LRRC7: variants seen among roughly 807,000 people sequenced by gnomAD.
LRRC7 encodes the protein leucine rich repeat containing 7.
LRRC7 carries 23 observed loss-of-function variants against 175.7 expected under a neutral mutation model. That is an observed-to-expected ratio of 0.13 (90% CI 0.09 to 0.19). LRRC7 has a LOEUF of 0.19. Ranked by LOEUF, LRRC7 falls within the 10% of genes least tolerant of loss-of-function variation. The pLI is 1.00. For synonymous variants in LRRC7, 685 were observed against 680.9 expected (o/e 1.01, Z -0.09); for missense variants, 1,354 against 1,904.7 (o/e 0.71, Z 5.38).
intron 11 of LRRC7, among the ~76,000 whole-genome samples, chr1:69,995,619 G>A (rs1426702102): frequency 3.5e-5 from 5 of 142,440 alleles, no homozygotes; most frequent in African/African-American, 1.3e-4. Flanking sequence ...TGTTCTCATT[G>A]TTCAAGTCCC....
chr1:69,796,130 C>T (rs1233189104), intron 4 of LRRC7, among the ~76,000 whole-genome samples: 9 of 120,296 alleles, frequency 7.5e-5, no homozygotes, highest in Non-Finnish European at 1.0e-4. Context: ...CCCCCCACCC[C>T]TCAACAGTCC....
intron 11 of LRRC7, among the ~76,000 whole-genome samples, chr1:69,997,338 A>G (rs12031259): frequency 0.16 from 24,125 of 150,210 alleles, 2,840 homozygotes; most frequent in African/African-American, 0.37. Context: ...CAATCATGTC[A>G]TCTGCAAACA....
chr1:69,958,789 A>G (rs977807112), intron 8 of LRRC7, among the ~76,000 whole-genome samples: 13 of 152,054 alleles, frequency 8.5e-5, no homozygotes, highest in African/African-American at 3.1e-4. Flanking sequence ...ACTAAGCCAG[A>G]TCCTAAATAT....
At chr1:69,729,370 T>C (rs1401768118) in intron 2 of LRRC7, among the ~76,000 whole-genome samples, 1 of 152,152 alleles carries the variant, frequency 6.6e-6, no homozygotes, top group East Asian at 1.9e-4. Flanking sequence ...AAGTCCCTTA[T>C]ATCTGTGAGC....
In LRRC7 at chr1:70,133,252, G is replaced by A. The variant is rs1239233096; in HGVS notation, c.*11365G>A. The stretch of plus-strand genomic sequence containing the variant: ...TGTTTGTTTGTATTGAGACAGTGTC[G>A]CTCTGTCGCCCAGGCTGGAGTGCAG... On this transcript the variant is annotated 3_prime_UTR_variant, in exon 27 of 27. Transcript: ENST00000651989. Among the ~76,000 whole-genome samples the A allele has an allele frequency of 6.6e-6, 1 of 151,962 alleles. No individual in the cohort carries two copies. Among genetic ancestry groups the A allele is most frequent in the Non-Finnish European group, 1.5e-5 (1 of 68,002 alleles).
At chr1:69,591,688 A>G (rs966371270) in intron 1 of LRRC7, among the ~76,000 whole-genome samples, 1 of 152,076 alleles carries the variant, frequency 6.6e-6, no homozygotes, top group Non-Finnish European at 1.5e-5. Flanking sequence ...GAAATCTAAT[A>G]TGTGATTCAG....
At chr1:69,939,174 C>T (rs1470875532) in intron 8 of LRRC7, among the ~76,000 whole-genome samples, 3 of 151,560 alleles carry the variant, frequency 2.0e-5, no homozygotes, top group East Asian at 3.9e-4. Flanking sequence ...CAGGTGAAAA[C>T]TATACTGATT....
In LRRC7 at chr1:69,772,469, G is replaced by C. The variant is rs139811811; in HGVS notation, c.303+12076G>C. On this transcript the variant is annotated intron_variant, in intron 3 of 26. Transcript: ENST00000651989. ...AATCACACAAGTTCAAATAAGCTAA[G>C]AATGGTCTTAAGATTTTATTCTAAG... Among the ~76,000 whole-genome samples the C allele has an allele frequency of 3.6e-3, 544 of 152,250 alleles. 3 individuals carry two copies. The highest frequency in any genetic ancestry group is 0.012 in the African/African-American group (503 of 41,554).
chr1:69,645,901 T>C (rs1413937051), intron 1 of LRRC7, among the ~76,000 whole-genome samples: 3 of 152,078 alleles, frequency 2.0e-5, no homozygotes, highest in Non-Finnish European at 2.9e-5. Flanking sequence ...TACAATAAAA[T>C]AGAACTGGAA....
At chr1:70,059,914 C>A (rs1030386166) in intron 23 of LRRC7, among the ~76,000 whole-genome samples, 1 of 151,900 alleles carries the variant, frequency 6.6e-6, no homozygotes, top group South Asian at 2.1e-4. Context: ...ATAAGTACAA[C>A]TTATTTAAAA....
chr1:69,939,063 G>T (rs1303811826), intron 8 of LRRC7, among the ~76,000 whole-genome samples: 2 of 134,160 alleles, frequency 1.5e-5, no homozygotes, highest in African/African-American at 2.8e-5. Flanking sequence ...CACAGACATT[G>T]CCAGAAGTTA....
intron 22 of LRRC7, among the ~76,000 whole-genome samples, chr1:70,050,104 T>C (rs75970769): frequency 8.6e-6 from 1 of 116,476 alleles, no homozygotes; most frequent in East Asian, 2.8e-4. Context: ...TGCACACACA[T>C]GTTTATACAC....
At chr1:69,973,846 A>G (rs1652529511) in intron 8 of LRRC7, among the ~76,000 whole-genome samples, 4 of 152,252 alleles carry the variant, frequency 2.6e-5, no homozygotes, top group Admixed American at 2.6e-4. Flanking sequence ...TCAGCCTCCC[A>G]AAGTGTTTGG....
chr1:69,796,794 C>CA (rs1170341536), intron 4 of LRRC7, among the ~76,000 whole-genome samples: 94 of 141,648 alleles, frequency 6.6e-4, no homozygotes, highest in African/African-American at 1.7e-3. Flanking sequence ...AACTCCATCT[C>CA]AAAAAAAAAA....
intron 2 of LRRC7, among the ~76,000 whole-genome samples, chr1:69,699,804 A>G (rs534897807): frequency 9.2e-5 from 14 of 152,280 alleles, no homozygotes; most frequent in African/African-American, 3.4e-4. Context: ...CAGCATGGAG[A>G]TAAATCCTGA....
At chr1:69,907,240 A>T (rs890383502) in intron 7 of LRRC7, among the ~76,000 whole-genome samples, 3 of 152,152 alleles carry the variant, frequency 2.0e-5, no homozygotes, top group Non-Finnish European at 4.4e-5. Context: ...TTCCTAATCG[A>T]ATACCCTTTA....
chr1:69,813,469 T>C (rs12027206), intron 4 of LRRC7, among the ~76,000 whole-genome samples: 15,164 of 152,142 alleles, frequency 0.1, 1,226 homozygotes, highest in East Asian at 0.49. Flanking sequence ...CTTCTCTGGC[T>C]TTAAACCATC....
intron 13 of LRRC7, among the ~76,000 whole-genome samples, chr1:70,015,592 T>C (rs955720665): frequency 6.6e-6 from 1 of 152,166 alleles, no homozygotes; most frequent in Admixed American, 6.5e-5. Context: ...CTAGCTTTGA[T>C]GGTAACCCAT....
At chr1:70,041,196 A>G (rs1355672297) in intron 21 of LRRC7, among the ~76,000 whole-genome samples, 3 of 152,226 alleles carry the variant, frequency 2.0e-5, no homozygotes, top group Non-Finnish European at 4.4e-5. Flanking sequence ...CTAAAAGCAC[A>G]GGTCACTGCA....
Sources: allele counts gnomAD v4.1 joint callset (sites outside exome capture counted in the v4.1 genomes callset), GRCh38; gene constraint gnomAD v4.1.1; transcripts MANE v1.5; gene names NCBI Gene and HGNC (gene_info 2026-07-23, HGNC 2026-07-21).